Variants in PCDHGA1 observed in about 807,000 individuals in gnomAD.
PCDHGA1 encodes protocadherin gamma-A1.
Under a neutral mutation model 58.0 loss-of-function variants are expected in PCDHGA1, and 32 were observed. That is an observed-to-expected ratio of 0.55 (90% CI 0.42 to 0.74). The LOEUF (loss-of-function observed/expected upper bound fraction) is 0.74, where lower values mean the gene tolerates loss of function less well. Ranked by LOEUF, PCDHGA1 falls within the 30% of genes least tolerant of loss-of-function variation. The probability of loss-of-function intolerance (pLI) is 0.00; values close to 1 mark genes in which losing one functional copy is unlikely to be tolerated. For missense variants in PCDHGA1, 1,205 were observed against 1,182.3 expected, an observed-to-expected ratio of 1.02 and a Z score of -0.28; for synonymous variants, 498 against 501.1, an observed-to-expected ratio of 0.99 and a Z score of 0.08.
At chr5:141,349,264 T>A (rs1758263759) in intron 1 of PCDHGA1, among the ~76,000 whole-genome samples, 1 of 152,124 alleles carries the variant, frequency 6.6e-6, no homozygotes, top group South Asian at 2.1e-4. Flanking sequence ...AGAGATGGCT[T>A]GCACCATGTT....
At chr5:141,401,058 T>A (rs967099811) in intron 1 of PCDHGA1, among the ~76,000 whole-genome samples, 1 of 152,236 alleles carries the variant, frequency 6.6e-6, no homozygotes, top group African/African-American at 2.4e-5. Flanking sequence ...AAATACTATA[T>A]GTTGGCTGGG....
chr5:141,352,728 G>A (rs1759097039), intron 1 of PCDHGA1: 4 of 1,522,770 alleles, frequency 2.6e-6, no homozygotes, highest in East Asian at 2.5e-5. Context: ...GGTGGCTCAA[G>A]CCTGTAATCC....
intron 1 of PCDHGA1, chr5:141,399,788 A>T: frequency 6.2e-7 from 1 of 1,613,174 alleles, no homozygotes; most frequent in South Asian, 1.1e-5. Context: ...CGAAACGACA[A>T]CGCACCGCGG....
chr5:141,485,065 A>G lies in PCDHGA1; in HGVS notation c.2422-9742A>G, dbSNP rs527439590. On this transcript the variant is annotated intron_variant, in intron 1 of 3. Transcript: ENST00000517417. The surrounding 1 kb of genome is among the most constrained non-coding windows in gnomAD (Gnocchi z 5.7). ...TGCGGCGCCGGCCGAACCGCGCCAG[A>G]GCTGGCGCGGGGAAAGGGAGATAGG... The G allele has an allele frequency of 4.2e-5, 37 of 877,696 alleles. No individual in the cohort carries two copies. Among genetic ancestry groups the G allele is most frequent in the Non-Finnish European group, 6.5e-5 (36 of 552,826 alleles). The allele number at this position is 877,696 out of a possible 1,614,324, so 54.4% of individuals were successfully genotyped here. A position where few individuals can be genotyped will look rare whatever the true frequency, so the allele number is the denominator to read the frequency against.
intron 1 of PCDHGA1, chr5:141,414,518 A>G (rs746198767): frequency 1.9e-6 from 3 of 1,614,000 alleles, no homozygotes; most frequent in Non-Finnish European, 2.5e-6. Flanking sequence ...CAAGTGGCAG[A>G]TATCAATGAC....
chr5:141,352,802 C>G, intron 1 of PCDHGA1: 1 of 903,782 alleles, frequency 1.1e-6, no homozygotes, highest in Non-Finnish European at 1.6e-6. Flanking sequence ...CCAGCATAGC[C>G]AAGATGGTAA....
chr5:141,355,764 G>A (rs1236728620), intron 1 of PCDHGA1: 2 of 1,613,850 alleles, frequency 1.2e-6, no homozygotes, highest in Admixed American at 1.7e-5. Flanking sequence ...GGGCCGATGG[G>A]ATTAAGTACC....
At position 141,494,852 on chromosome 5, in the gene PCDHGA1, C is replaced by T. The variant is rs755464933; in HGVS notation, c.2467C>T (p.Pro823Ser). ...TDWRFSQAQR[P>S]GTSGSQNGDD... is the part of the protein sequence containing the mutation. Reference sequence around the variant, plus strand: ...CTGGCGTTTCTCTCAGGCCCAGAGACCCGGCACCAGCGGGTAGGTGACTGA... The same window carrying T: ...CTGGCGTTTCTCTCAGGCCCAGAGATCCGGCACCAGCGGGTAGGTGACTGA... The change falls in exon 2 of 4, where the codon CCC (proline) becomes TCC (serine). Residue 823 changes from proline (P) to serine (S), a missense_variant. Coordinates refer to ENST00000517417, the MANE Select transcript of PCDHGA1 (RefSeq NM_018912.3). 6 of 1,614,042 alleles carry T rather than the reference C, an allele frequency of 3.7e-6. No homozygotes were observed. Among genetic ancestry groups the T allele is most frequent in the Admixed American group, 1.7e-5 (1 of 60,000 alleles).
rs1177173734 is a variant in PCDHGA1, at chr5:141,491,741, G to T, written c.2422-3066G>T. 1.3e-6 allele frequency: 2 copies of T among 1,595,762 alleles called. No individual in the cohort carries two copies. On this transcript the variant is annotated intron_variant, in intron 1 of 3. Transcript: ENST00000517417. This position sits in a 1 kb window ranked among gnomAD's most constrained non-coding sequence, Gnocchi z 6.9. ...CCGCCCCGGGCGACCCCTGGGGGCG[G>T]CACTGGAGAAGCCGCCCGTCCTCAT... is the stretch of plus-strand genomic sequence containing the variant.
rs748115530 is a variant in PCDHGA1 at position 141,489,429 on chromosome 5, G to C, written c.2422-5378G>C. 5 of 1,614,022 alleles carry C rather than the reference G, an allele frequency of 3.1e-6. No individual in the cohort carries two copies. The East Asian group carries it at 8.9e-5, about 29-fold the overall frequency. ...AGATGACAGATCTGTTGAGCCGGCG[G>C]CTGCAATTGGGCTCTGAGGAGAATG... On this transcript the variant is annotated intron_variant, in intron 1 of 3. Transcript: ENST00000517417. The surrounding 1 kb of genome is among the most constrained non-coding windows in gnomAD (Gnocchi z 4.5).
At chr5:141,429,469 T>C (rs547784462) in intron 1 of PCDHGA1, among the ~76,000 whole-genome samples, 4 of 151,932 alleles carry the variant, frequency 2.6e-5, no homozygotes, top group African/African-American at 4.8e-5. Context: ...CCCACCTCAA[T>C]CTCCAGAGTA....
intron 1 of PCDHGA1, chr5:141,382,842 A>C: frequency 2.0e-6 from 3 of 1,464,302 alleles, no homozygotes; most frequent in Non-Finnish European, 2.8e-6. Context: ...ACCCGGATAC[A>C]CCCGCATTCT....
chr5:141,415,584 T>C lies in PCDHGA1; in HGVS notation c.2422-79223T>C, dbSNP rs763238799. 7.4e-6 allele frequency: 12 copies of C among 1,614,012 alleles called. No individual in the cohort carries two copies. In the South Asian group the frequency reaches 1.3e-4, roughly 18 times the overall value. ...TGTCTTTGTTAGATGATTCGAAGTT[T>C]CCTATAGAGGATACCCCATTGGTTC... On this transcript the variant is annotated intron_variant, in intron 1 of 3. Coordinates refer to ENST00000517417, the MANE Select transcript of PCDHGA1 (RefSeq NM_018912.3).
intron 1 of PCDHGA1, among the ~76,000 whole-genome samples, chr5:141,460,912 G>GTATA (rs34683754): frequency 4.0e-5 from 6 of 149,324 alleles, no homozygotes; most frequent in South Asian, 2.1e-4. Context: ...ATTCCATGGT[G>GTATA]TATATATATA....
At chr5:141,413,454 G>A (rs765318722) in intron 1 of PCDHGA1, 46 of 1,614,026 alleles carry the variant, frequency 2.9e-5, no homozygotes, top group Non-Finnish European at 3.7e-5. Flanking sequence ...CCGCGGGCAG[G>A]ATAGACCGGG....
At chr5:141,351,054 A>T in intron 1 of PCDHGA1, 1 of 1,614,056 alleles carries the variant, frequency 6.2e-7, no homozygotes, top group Non-Finnish European at 8.5e-7. Context: ...ATGGCCACAG[A>T]CCAGGATGAG....
intron 1 of PCDHGA1, chr5:141,371,363 T>C: frequency 3.7e-6 from 6 of 1,613,948 alleles, no homozygotes; most frequent in Non-Finnish European, 5.1e-6. Flanking sequence ...AAGCAAAGGA[T>C]GGTGGACATC....
chr5:141,362,571 A>G (rs751216494), intron 1 of PCDHGA1: 2 of 1,606,352 alleles, frequency 1.2e-6, no homozygotes, highest in Non-Finnish European at 1.7e-6. Flanking sequence ...GCTTTAATTA[A>G]TTTATTTTCA....
chr5:141,471,058 T>C (rs991869999), intron 1 of PCDHGA1, among the ~76,000 whole-genome samples: 2 of 149,826 alleles, frequency 1.3e-5, no homozygotes, highest in Non-Finnish European at 3.0e-5. Context: ...TTTTTTTTTT[T>C]TTTTTTTTGA....
Sources: allele counts gnomAD v4.1 joint callset (sites outside exome capture counted in the v4.1 genomes callset), GRCh38; gene constraint gnomAD v4.1.1; non-coding constraint Gnocchi (gnomAD v3.1); transcripts MANE v1.5; gene names NCBI Gene and HGNC (gene_info 2026-07-23, HGNC 2026-07-21).